PYM1: variants seen among roughly 807,000 people sequenced by gnomAD.
PYM1 encodes PYM1 exon junction complex associated factor, also known as partner of Y14 and mago.
PYM1 carries 7 observed loss-of-function variants against 20.7 expected under a neutral mutation model. The ratio of observed to expected loss-of-function variants is 0.34; its 90% CI spans 0.19 to 0.64. PYM1 has a LOEUF of 0.64. Ranked by LOEUF, PYM1 falls within the 30% of genes least tolerant of loss-of-function variation. PYM1 has a pLI of 0.74. For missense variants in PYM1, 194 were observed against 250.0 expected (o/e 0.78, Z 1.51); for synonymous variants, 100 against 99.2 (o/e 1.01, Z -0.05).
chr12:55,923,492 GAAGTT>G (rs1883135208), intron 1 of PYM1, among the ~76,000 whole-genome samples: 1 of 149,876 alleles, frequency 6.7e-6, no homozygotes. Flanking sequence ...CTTGAGCCCA[GAAGTT>G]AAGACTACAG....
intron 1 of PYM1, among the ~76,000 whole-genome samples, chr12:55,904,343 C>A (rs753706043): frequency 2.7e-4 from 41 of 151,040 alleles, no homozygotes; most frequent in Non-Finnish European, 5.3e-4. Context: ...CCTATAATCC[C>A]AGCACTTTGG....
chr12:55,921,205 C>T (rs1883092162), intron 1 of PYM1, among the ~76,000 whole-genome samples: 1 of 152,168 alleles, frequency 6.6e-6, no homozygotes. Flanking sequence ...TTTCTTCTAA[C>T]CCATACAATG....
intron 1 of PYM1, among the ~76,000 whole-genome samples, chr12:55,913,019 T>C (rs1882951617): frequency 6.6e-6 from 1 of 152,090 alleles, no homozygotes; most frequent in Non-Finnish European, 1.5e-5. Flanking sequence ...ACCTGACCCA[T>C]GTCTCTATTC....
At chr12:55,919,896 A>AT (rs917182951) in intron 1 of PYM1, among the ~76,000 whole-genome samples, 2 of 150,968 alleles carry the variant, frequency 1.3e-5, no homozygotes, top group Non-Finnish European at 3.0e-5. Context: ...CCGTCTCAAA[A>AT]AAAAAAGAAA....
At chr12:55,924,717 C>T (rs1057263864) in intron 1 of PYM1, among the ~76,000 whole-genome samples, 3 of 152,152 alleles carry the variant, frequency 2.0e-5, no homozygotes, top group African/African-American at 4.8e-5. Flanking sequence ...CGCTCTGTCG[C>T]CCAGGCTGGA....
rs1883225292 is a variant in PYM1, at chr12:55,927,849, G to A, written c.-88C>T. 1 of 1,487,456 alleles carries A rather than the reference G, an allele frequency of 6.7e-7. No individual in the cohort carries two copies. The highest frequency in any genetic ancestry group is 9.0e-7 in the Non-Finnish European group (1 of 1,113,370). The allele number at this position is 1,487,456 out of a possible 1,614,324, so 92.1% of individuals were successfully genotyped here. A position where few individuals can be genotyped will look rare whatever the true frequency, so the allele number is the denominator to read the frequency against. ...GGCGCCGGGGATTCGGCGGCGAAGT[G>A]ATGAGGGCCCTAGTTGCTTCTCGCC... On this transcript the variant is annotated 5_prime_UTR_variant, in exon 1 of 3. Coordinates refer to ENST00000408946, the MANE Select transcript of PYM1 (RefSeq NM_032345.3).
Position 55,905,979 on chromosome 12 carries a change from T to A in PYM1, c.38-2499A>T, listed in dbSNP as rs1882808395. Among the ~76,000 whole-genome samples, 17 of 130,072 alleles carry A rather than the reference T, an allele frequency of 1.3e-4. 1 individual carries two copies. The highest frequency in any genetic ancestry group is 1.2e-3 in the East Asian group (6 of 4,998). The allele number at this position is 130,072 out of a possible 152,430, so 85.3% of individuals were successfully genotyped here. A position where few individuals can be genotyped will look rare whatever the true frequency, so the allele number is the denominator to read the frequency against. On this transcript the variant is annotated intron_variant, in intron 1 of 2. Transcript: ENST00000408946. ...ATATATCTAATAGATATATATATTA[T>A]TATATATAATATAAAATAAATAAGT...
intron 1 of PYM1, among the ~76,000 whole-genome samples, chr12:55,922,471 G>A (rs1040818629): frequency 2.0e-5 from 2 of 99,606 alleles, no homozygotes; most frequent in Admixed American, 2.2e-4. Context: ...AAAAAAATTA[G>A]CTGGTCATGA....
chr12:55,911,302 G>A (rs1235908580), intron 1 of PYM1, among the ~76,000 whole-genome samples: 1 of 151,540 alleles, frequency 6.6e-6, no homozygotes, highest in Non-Finnish European at 1.5e-5. Flanking sequence ...AGTAGAGATG[G>A]GGTTTTGCCA....
intron 1 of PYM1, among the ~76,000 whole-genome samples, chr12:55,904,688 C>G (rs962042977): frequency 1.3e-5 from 2 of 151,404 alleles, no homozygotes; most frequent in African/African-American, 4.8e-5. Context: ...ACCAGCCTGG[C>G]CAACATGGTG....
At chr12:55,906,515 CAAAT>C (rs1293327234) in intron 1 of PYM1, among the ~76,000 whole-genome samples, 5 of 152,098 alleles carry the variant, frequency 3.3e-5, no homozygotes, top group African/African-American at 7.2e-5. Flanking sequence ...ATGAAAAAGA[CAAAT>C]AAATAAGCAT....
At chr12:55,917,932 C>G (rs559073708) in intron 1 of PYM1, among the ~76,000 whole-genome samples, 1 of 152,064 alleles carries the variant, frequency 6.6e-6, no homozygotes, top group South Asian at 2.1e-4. Context: ...TGAACTCCAG[C>G]CTGGGCAACA....
chr12:55,924,328 A>C lies in PYM1; in HGVS notation c.37+3397T>G, dbSNP rs147549173. On this transcript the variant is annotated intron_variant, in intron 1 of 2. Coordinates refer to ENST00000408946, the MANE Select transcript of PYM1 (RefSeq NM_032345.3). The stretch of plus-strand genomic sequence containing the variant: ...ACAAATAGGCAGCAAGGAAACAGAA[A>C]TATCAGGAGATTTCTTCATATTCGA... 9.9e-5 allele frequency among the ~76,000 whole-genome samples: 15 copies of C among 152,250 alleles called. No individual in the cohort carries two copies. The East Asian group carries it at 2.7e-3, about 27-fold the overall frequency.
In PYM1 at chr12:55,912,247, G is replaced by T. The variant is rs149320655; in HGVS notation, c.38-8767C>A. Among the ~76,000 whole-genome samples the T allele has an allele frequency of 4.2e-3, 641 of 152,018 alleles. 2 individuals are homozygous for T. Among genetic ancestry groups the T allele is most frequent in the African/African-American group, 0.014 (592 of 41,446 alleles). ...CATGCCTGTAGTCCCAGCTACTCAG[G>T]AGGCTAAGGTGGGACAATCACTTGA... On this transcript the variant is annotated intron_variant, in intron 1 of 2. Transcript: ENST00000408946.
At chr12:55,912,170 G>A (rs1882935092) in intron 1 of PYM1, among the ~76,000 whole-genome samples, 1 of 151,734 alleles carries the variant, frequency 6.6e-6, no homozygotes, top group Non-Finnish European at 1.5e-5. Context: ...CCAACATGGT[G>A]AAACCCTATC....
At chr12:55,904,895 G>T (rs1190354269) in intron 1 of PYM1, among the ~76,000 whole-genome samples, 1 of 151,966 alleles carries the variant, frequency 6.6e-6, no homozygotes, top group Non-Finnish European at 1.5e-5. Context: ...AAAGCAAGCT[G>T]CAGGATAACA....
chr12:55,904,813 GT>G (rs1310892564), intron 1 of PYM1, among the ~76,000 whole-genome samples: 1 of 151,344 alleles, frequency 6.6e-6, no homozygotes, highest in East Asian at 1.9e-4. Context: ...GGAGGCAGAG[GT>G]TGCAGTGAGT....
At chr12:55,903,041 C>T (rs1882724231) in intron 2 of PYM1, among the ~76,000 whole-genome samples, 1 of 152,146 alleles carries the variant, frequency 6.6e-6, no homozygotes, top group Admixed American at 6.6e-5. Context: ...CCTAGGCCTC[C>T]CAAAGTGCTC....
At chr12:55,926,845 G>A (rs766155844) in intron 1 of PYM1, among the ~76,000 whole-genome samples, 2 of 152,158 alleles carry the variant, frequency 1.3e-5, no homozygotes, top group African/African-American at 4.8e-5. Flanking sequence ...CCTGAAGCAG[G>A]GACCAGCACT....
Sources: allele counts gnomAD v4.1 joint callset (sites outside exome capture counted in the v4.1 genomes callset), GRCh38; gene constraint gnomAD v4.1.1; transcripts MANE v1.5; gene names NCBI Gene and HGNC (gene_info 2026-07-23, HGNC 2026-07-21).